Variants in ARFGEF1 observed in about 807,000 individuals in gnomAD.
ARFGEF1 encodes ARF guanine nucleotide exchange factor 1.
A neutral mutation model predicts 231.0 loss-of-function variants in ARFGEF1; 42 were observed. The observed-to-expected ratio is 0.18, with a 90% CI of 0.14 to 0.24. The LOEUF (loss-of-function observed/expected upper bound fraction) is 0.24. ARFGEF1 is among the 10% of genes least tolerant of loss of function. The probability of loss-of-function intolerance (pLI) is 1.00; values close to 1 mark genes in which losing one functional copy is unlikely to be tolerated. For synonymous variants in ARFGEF1, 710 were observed against 732.3 expected (o/e 0.97, Z 0.49); for missense variants, 1,345 against 2,192.0 (o/e 0.61, Z 7.72).
rs747414824 is a variant in ARFGEF1 at position 67,226,185 on chromosome 8, TA to T, written c.3917-3del. The T allele has an allele frequency of 9.5e-6, 15 of 1,579,000 alleles. No individual in the cohort carries two copies. Among genetic ancestry groups the T allele is most frequent in the Middle Eastern group, 1.7e-4 (1 of 5,892 alleles). On this transcript the variant is annotated splice_region_variant and splice_polypyrimidine_tract_variant and intron_variant, in intron 27 of 38. Transcript: ENST00000262215. ...GAAAGTGTTTTTCAAATACAAGGGC[TA>T]AAATAGAGAAAAATATATATTACTA...
chr8:67,278,102 GAACA>G (rs917999255), intron 7 of ARFGEF1, among the ~76,000 whole-genome samples: 3 of 152,180 alleles, frequency 2.0e-5, no homozygotes, highest in South Asian at 2.1e-4. Flanking sequence ...ACTTCTGGTA[GAACA>G]AACAGAGATA....
At chr8:67,212,670 T>C (rs1838790818) in intron 33 of ARFGEF1, among the ~76,000 whole-genome samples, 1 of 152,206 alleles carries the variant, frequency 6.6e-6, no homozygotes, top group Admixed American at 6.5e-5. Flanking sequence ...AGTCCCAGCC[T>C]GAGCAACCTT....
chr8:67,342,200 T>G (rs1330842502), intron 1 of ARFGEF1, among the ~76,000 whole-genome samples: 3 of 152,234 alleles, frequency 2.0e-5, no homozygotes, highest in African/African-American at 7.2e-5. Flanking sequence ...TATCTTTGTG[T>G]TAAATGTTCT....
chr8:67,203,554 T>G (rs1838408307), intron 35 of ARFGEF1, among the ~76,000 whole-genome samples: 1 of 152,182 alleles, frequency 6.6e-6, no homozygotes, highest in African/African-American at 2.4e-5. Context: ...ATTATTCTCT[T>G]TCACAACCCC....
At chr8:67,325,478 G>A (rs1352733078) in intron 1 of ARFGEF1, among the ~76,000 whole-genome samples, 1 of 151,824 alleles carries the variant, frequency 6.6e-6, no homozygotes, top group Non-Finnish European at 1.5e-5. Context: ...TTACATAAAG[G>A]AGCCTCTATC....
At chr8:67,304,536 A>G (rs973328579) in intron 1 of ARFGEF1, among the ~76,000 whole-genome samples, 4 of 152,348 alleles carry the variant, frequency 2.6e-5, no homozygotes, top group South Asian at 2.1e-4. Flanking sequence ...ACTTGAAAAT[A>G]TATGTGTGGG....
chr8:67,175,695 A>G, intron 5 of ARFGEF1: 3 of 572,352 alleles, frequency 5.2e-6, no homozygotes, highest in South Asian at 3.3e-5. Flanking sequence ...TACTTTGACC[A>G]GGCCAGGTGA....
At chr8:67,306,310 C>T (rs888434335) in intron 1 of ARFGEF1, among the ~76,000 whole-genome samples, 2 of 152,182 alleles carry the variant, frequency 1.3e-5, no homozygotes, top group Non-Finnish European at 2.9e-5. Flanking sequence ...CTGGGTGGGA[C>T]AGGGCAAGAT....
downstream of ARFGEF1, chr8:67,193,418 A>T: frequency 6.4e-7 from 1 of 1,569,656 alleles, no homozygotes; most frequent in Non-Finnish European, 8.7e-7. Context: ...ATTTGTGAAC[A>T]TATTTTGTGT....
At chr8:67,324,285 T>A (rs938033889) in intron 1 of ARFGEF1, among the ~76,000 whole-genome samples, 3 of 152,196 alleles carry the variant, frequency 2.0e-5, no homozygotes, top group Non-Finnish European at 4.4e-5. Context: ...TGAGTGAGAC[T>A]CTGTCTCAAA....
chr8:67,196,228 C>G (rs949817550), downstream of ARFGEF1: 1 of 152,138 alleles, frequency 6.6e-6, no homozygotes, highest in Non-Finnish European at 1.5e-5. Flanking sequence ...GTAACTACTT[C>G]TTGATATAAA....
intron 29 of ARFGEF1, among the ~76,000 whole-genome samples, chr8:67,222,172 T>C (rs6999583): frequency 8.5e-6 from 1 of 118,112 alleles, no homozygotes; most frequent in Non-Finnish European, 1.6e-5. Context: ...TGCATATATA[T>C]ATATATACAC....
chr8:67,302,016 G>A (rs901749870), intron 2 of ARFGEF1, among the ~76,000 whole-genome samples: 6 of 152,138 alleles, frequency 3.9e-5, no homozygotes, highest in African/African-American at 1.4e-4. Flanking sequence ...AGACCAGCCT[G>A]GGAAATATGG....
chr8:67,233,444 T>G (rs1839617150), intron 22 of ARFGEF1, among the ~76,000 whole-genome samples: 1 of 152,014 alleles, frequency 6.6e-6, no homozygotes, highest in South Asian at 2.1e-4. Flanking sequence ...GTTCCACATG[T>G]TGGAGAGGAG....
intron 1 of ARFGEF1, among the ~76,000 whole-genome samples, chr8:67,329,568 AT>A (rs1252888093): frequency 3.3e-5 from 5 of 150,164 alleles, no homozygotes; most frequent in African/African-American, 1.2e-4. Context: ...AAATAAATAA[AT>A]AAATAAAAAG....
At chr8:67,182,291 A>G (rs557050059) in intron 5 of ARFGEF1, among the ~76,000 whole-genome samples, 37 of 151,658 alleles carry the variant, frequency 2.4e-4, no homozygotes, top group African/African-American at 9.0e-4. Context: ...TACAGGTGTG[A>G]GCTACCACAC....
chr8:67,232,484 A>G (rs754534336), intron 23 of ARFGEF1, among the ~76,000 whole-genome samples: 1 of 152,062 alleles, frequency 6.6e-6, no homozygotes, highest in Non-Finnish European at 1.5e-5. Flanking sequence ...TTCATCCATA[A>G]TGCAGTCTAT....
intron 7 of ARFGEF1, 103 bp from the exon 8 acceptor site, chr8:67,277,560 G>A: frequency 9.2e-7 from 1 of 1,084,012 alleles, no homozygotes; most frequent in Non-Finnish European, 1.3e-6. Flanking sequence ...GGAAAGCAAT[G>A]TGAAGTAAAA....
At chr8:67,272,640 A>C (rs1470417876) in intron 9 of ARFGEF1, among the ~76,000 whole-genome samples, 1 of 152,190 alleles carries the variant, frequency 6.6e-6, no homozygotes, top group Non-Finnish European at 1.5e-5. Context: ...TAGTATTAAT[A>C]CACAACAGTT....
Sources: allele counts gnomAD v4.1 joint callset (sites outside exome capture counted in the v4.1 genomes callset), GRCh38; gene constraint gnomAD v4.1.1; transcripts MANE v1.5; gene names NCBI Gene and HGNC (gene_info 2026-07-23, HGNC 2026-07-21).